ARHGEF4: variants seen among roughly 807,000 people sequenced by gnomAD.
ARHGEF4 encodes Rho guanine nucleotide exchange factor 4.
Under a neutral mutation model 162.0 loss-of-function variants are expected in ARHGEF4, and 119 were observed. That is an observed-to-expected ratio of 0.73 (90% CI 0.63 to 0.86). ARHGEF4 has a LOEUF of 0.86. Ranked by LOEUF, ARHGEF4 falls within the 40% of genes least tolerant of loss-of-function variation. ARHGEF4 has a pLI of 0.00. For missense variants in ARHGEF4, 2,488 were observed against 2,456.0 expected (o/e 1.01, Z -0.28); for synonymous variants, 1,014 against 979.9 (o/e 1.03, Z -0.65).
At chr2:130,997,998 T>A (rs1687515871) in intron 4 of ARHGEF4, among the ~76,000 whole-genome samples, 2 of 152,126 alleles carry the variant, frequency 1.3e-5, no homozygotes, top group Admixed American at 1.3e-4. Context: ...CAGCTATACA[T>A]GGATTCACTC....
chr2:130,983,874 C>T (rs1055078876), intron 4 of ARHGEF4, among the ~76,000 whole-genome samples: 3 of 152,138 alleles, frequency 2.0e-5, no homozygotes, highest in Non-Finnish European at 4.4e-5. Context: ...TGGTCTTGAT[C>T]TCCTGACCTT....
intron 1 of ARHGEF4, among the ~76,000 whole-genome samples, chr2:130,844,076 G>C (rs1234980154): frequency 6.6e-6 from 1 of 152,178 alleles, no homozygotes; most frequent in Non-Finnish European, 1.5e-5. Context: ...CCCTGCAGAG[G>C]GTTTGAATTC....
chr2:130,882,085 G>A (rs1679231274), intron 1 of ARHGEF4, among the ~76,000 whole-genome samples: 1 of 152,100 alleles, frequency 6.6e-6, no homozygotes, highest in Non-Finnish European at 1.5e-5. Context: ...GGATAGACCT[G>A]CAAAGAAATC....
intron 3 of ARHGEF4, among the ~76,000 whole-genome samples, chr2:130,933,400 G>C (rs899599745): frequency 3.3e-5 from 5 of 151,958 alleles, no homozygotes; most frequent in Non-Finnish European, 7.4e-5. Context: ...AATTGTTTTG[G>C]CTTTTTGTTG....
At chr2:130,963,258 G>T (rs2105194946) in intron 4 of ARHGEF4, among the ~76,000 whole-genome samples, 1 of 152,274 alleles carries the variant, frequency 6.6e-6, no homozygotes, top group Non-Finnish European at 1.5e-5. Flanking sequence ...GGGCTGTCAG[G>T]AGGGTCGCAG....
chr2:131,027,880 A>G, intron 4 of ARHGEF4, 65 bp from the exon 5 acceptor site: 1 of 1,591,070 alleles, frequency 6.3e-7, no homozygotes, highest in Non-Finnish European at 8.6e-7. Context: ...CTCCTTCTCC[A>G]CGTGTTCTCC....
chr2:130,910,145 A>G (rs1242359278), intron 1 of ARHGEF4, among the ~76,000 whole-genome samples: 1 of 152,152 alleles, frequency 6.6e-6, no homozygotes, highest in Non-Finnish European at 1.5e-5. Context: ...CATGGTACGT[A>G]ATTACCTATG....
At chr2:130,921,012 ACCTCCCTTCCT>A (rs1307173435) in intron 2 of ARHGEF4, among the ~76,000 whole-genome samples, 1 of 149,922 alleles carries the variant, frequency 6.7e-6, no homozygotes, top group Non-Finnish European at 1.5e-5. Flanking sequence ...CCTTCCTGCC[ACCTCCCTTCCT>A]CCTCCCTGCC....
At chr2:130,926,015 T>TCTTC (rs2105087972) in intron 2 of ARHGEF4, among the ~76,000 whole-genome samples, 2 of 88,046 alleles carry the variant, frequency 2.3e-5, no homozygotes, top group African/African-American at 1.8e-4. Context: ...TGGTTTTCTC[T>TCTTC]CTTTCTTTCT....
chr2:130,907,274 G>A (rs1680879129), intron 1 of ARHGEF4, among the ~76,000 whole-genome samples: 2 of 123,110 alleles, frequency 1.6e-5, no homozygotes, highest in Admixed American at 2.1e-4. Flanking sequence ...GAGTGCAGTG[G>A]CACGATCTGG....
intron 4 of ARHGEF4, among the ~76,000 whole-genome samples, chr2:131,014,672 G>A (rs938346860): frequency 6.6e-6 from 1 of 152,128 alleles, no homozygotes; most frequent in African/African-American, 2.4e-5. Context: ...AAAACATAAG[G>A]TCTCTTTCTC....
Position 130,917,368 on chromosome 2 carries a change from G to T in ARHGEF4, c.3422G>T (p.Gly1141Val). The T allele has an allele frequency of 6.4e-7, 1 of 1,550,594 alleles. No homozygotes were observed. The highest frequency in any genetic ancestry group is 8.7e-7 in the Non-Finnish European group (1 of 1,146,996). Residue 1141 changes from glycine to valine, a missense_variant, in exon 2 of 14, where the codon GGC (glycine) becomes GTC (valine). Gly to Val is a moderately radical substitution (Grantham distance 109, BLOSUM62 -3). This residue lies in a region of ARHGEF4 where 1,642 missense variants were observed against 1,481.5 expected (regional missense o/e 1.11). Transcript: ENST00000409359. ...GDPERPKIPK[G>V]QTSFLLSLQT... ...CCTGAAAGACCCAAGATTCCCAAGG[G>T]CCAGACCAGTTTCCTGCTTTCTCTG...
intron 3 of ARHGEF4, among the ~76,000 whole-genome samples, chr2:130,931,489 C>T (rs966226989): frequency 7.2e-5 from 11 of 152,214 alleles, no homozygotes; most frequent in African/African-American, 1.2e-4. Flanking sequence ...CCAGGGCCCC[C>T]TCTTCCTTCT....
intron 3 of ARHGEF4, among the ~76,000 whole-genome samples, chr2:130,935,865 G>A (rs941958861): frequency 2.0e-5 from 3 of 152,182 alleles, no homozygotes; most frequent in Admixed American, 6.6e-5. Context: ...TCAGGAGTTC[G>A]AGACCAGCCT....
chr2:130,931,347 C>G, intron 3 of ARHGEF4, 90 bp downstream of exon 3: 2 of 1,378,266 alleles, frequency 1.5e-6, no homozygotes, highest in Non-Finnish European at 2.0e-6. Context: ...TTTTGCCTGA[C>G]TCTCCTGAGA....
intron 4 of ARHGEF4, among the ~76,000 whole-genome samples, chr2:131,017,475 G>C (rs1558857029): frequency 6.6e-6 from 1 of 152,210 alleles, no homozygotes; most frequent in African/African-American, 2.4e-5. Context: ...GGAGACTCAT[G>C]TTGAAACTCG....
intron 1 of ARHGEF4, among the ~76,000 whole-genome samples, chr2:130,891,567 C>T (rs970855853): frequency 1.3e-5 from 2 of 152,192 alleles, no homozygotes; most frequent in African/African-American, 4.8e-5. Context: ...TATTTGCTCA[C>T]AGTTCTGAAA....
At chr2:130,956,616 T>C (rs898915706) in intron 4 of ARHGEF4, among the ~76,000 whole-genome samples, 10 of 151,194 alleles carry the variant, frequency 6.6e-5, no homozygotes, top group African/African-American at 2.2e-4. Context: ...GTGGCACATA[T>C]ACACCATGGA....
intron 4 of ARHGEF4, among the ~76,000 whole-genome samples, chr2:130,995,826 G>A (rs1485324346): frequency 6.6e-6 from 1 of 151,828 alleles, no homozygotes; most frequent in Non-Finnish European, 1.5e-5. Context: ...CACCCCTTGG[G>A]GCACTCTTGC....
Sources: allele counts gnomAD v4.1 joint callset (sites outside exome capture counted in the v4.1 genomes callset), GRCh38; gene constraint gnomAD v4.1.1; regional missense constraint gnomAD v4.1.1; transcripts MANE v1.5; gene names NCBI Gene and HGNC (gene_info 2026-07-23, HGNC 2026-07-21).